PHC2: variants seen among roughly 807,000 people sequenced by gnomAD.
PHC2 encodes the protein polyhomeotic-like protein 2.
Under a neutral mutation model 87.4 loss-of-function variants are expected in PHC2, and 29 were observed. That is an observed-to-expected ratio of 0.33 (90% CI 0.25 to 0.45). The LOEUF (loss-of-function observed/expected upper bound fraction) is 0.45. PHC2 is among the 20% of genes least tolerant of loss of function. The pLI is 1.00. For missense variants in PHC2, 857 were observed against 1,136.7 expected (o/e 0.75, Z 3.54); for synonymous variants, 438 against 461.7 (o/e 0.95, Z 0.66).
At chr1:33,415,138 T>G (rs1483510928) in intron 1 of PHC2, among the ~76,000 whole-genome samples, 1 of 152,130 alleles carries the variant, frequency 6.6e-6, no homozygotes, top group African/African-American at 2.4e-5. Flanking sequence ...TGACTGAGAT[T>G]AGACATCCAG....
Position 33,427,703 on chromosome 1 carries a change from C to T in PHC2, c.-55+3273G>A, listed in dbSNP as rs78937979. Among the ~76,000 whole-genome samples, 1,009 of 152,312 alleles carry T rather than the reference C, an allele frequency of 6.6e-3. 11 individuals are homozygous for T. Among genetic ancestry groups the T allele is most frequent in the Middle Eastern group, 0.014 (4 of 294 alleles). ...AAACTGCTGACGAATTTCTGCAGCT[C>T]AAAACTTTTTCTTCTCTTGACTTCT... is the stretch of plus-strand genomic sequence containing the variant. On this transcript the variant is annotated intron_variant, in intron 1 of 14. Coordinates refer to ENST00000683057, the MANE Select transcript of PHC2 (RefSeq NM_001385109.1).
chr1:33,325,280 GT>G, intron 14 of PHC2: 1 of 400,062 alleles, frequency 2.5e-6, no homozygotes, highest in Non-Finnish European at 4.5e-6. Context: ...GCGGACCCAT[GT>G]CCACTAAAGT....
chr1:33,328,393 T>TG (rs1227246445), intron 14 of PHC2, among the ~76,000 whole-genome samples: 2 of 151,046 alleles, frequency 1.3e-5, no homozygotes, highest in Non-Finnish European at 3.0e-5. Context: ...TTTTTTTTTT[T>TG]TTTGGTAGAG....
intron 1 of PHC2, among the ~76,000 whole-genome samples, chr1:33,419,925 G>A (rs1160900667): frequency 6.6e-6 from 1 of 151,772 alleles, no homozygotes; most frequent in African/African-American, 2.4e-5. Flanking sequence ...CTCTTATAAG[G>A]ACACTTGTGA....
rs1012829540 is a variant in PHC2, at chr1:33,392,187, ACATG to A, written c.-54-16598_-54-16595del. Reference sequence around the variant, plus strand: ...TACGTGCACACACACACACACACACACATGCACATGCACATACACAAATGCTCTC... The same window carrying A: ...TACGTGCACACACACACACACACACACACATGCACATACACAAATGCTCTC... On this transcript the variant is annotated intron_variant, in intron 1 of 14. Coordinates refer to ENST00000683057, the MANE Select transcript of PHC2 (RefSeq NM_001385109.1). Among the ~76,000 whole-genome samples the A allele has an allele frequency of 5.3e-5, 8 of 150,140 alleles. No homozygotes were observed. The East Asian group carries it at 7.9e-4, about 15-fold the overall frequency.
chr1:33,405,144 C>A (rs1296598814), intron 1 of PHC2, among the ~76,000 whole-genome samples: 1 of 150,280 alleles, frequency 6.7e-6, no homozygotes, highest in Non-Finnish European at 1.5e-5. Flanking sequence ...ATCTGTCTTT[C>A]GTTTTTTCTC....
chr1:33,401,618 A>G (rs574061520), intron 1 of PHC2, among the ~76,000 whole-genome samples: 1 of 152,320 alleles, frequency 6.6e-6, no homozygotes, highest in South Asian at 2.1e-4. Context: ...ACAAATCGGG[A>G]CTTTTTGTGT....
At position 33,349,502 on chromosome 1, in the gene PHC2, TA is replaced by T. The variant is rs1486323924; in HGVS notation, c.1558+4898del. 1 of 984,988 alleles carries T rather than the reference TA, an allele frequency of 1.0e-6. No individual in the cohort carries two copies. The highest frequency in any genetic ancestry group is 1.1e-4 in the East Asian group (1 of 8,728). The allele number at this position is 984,988 out of a possible 1,614,324, so 61.0% of individuals were successfully genotyped here. A position where few individuals can be genotyped will look rare whatever the true frequency, so the allele number is the denominator to read the frequency against. The stretch of plus-strand genomic sequence containing the variant: ...TGGCAGCCGCGTAGGCCCGGGCCGT[TA>T]GGGGCACCGAGGGCGGTGCCCGACT... On this transcript the variant is annotated intron_variant, in intron 9 of 14. Transcript: ENST00000683057. The surrounding 1 kb of genome is among the most constrained non-coding windows in gnomAD (Gnocchi z 4.2).
intron 1 of PHC2, among the ~76,000 whole-genome samples, chr1:33,409,966 T>C (rs1649916669): frequency 6.6e-6 from 1 of 152,226 alleles, no homozygotes. Flanking sequence ...AAACTATTAC[T>C]ATAATGACCT....
chr1:33,408,086 C>T (rs1330628712), intron 1 of PHC2, among the ~76,000 whole-genome samples: 1 of 152,160 alleles, frequency 6.6e-6, no homozygotes, highest in Non-Finnish European at 1.5e-5. Flanking sequence ...CTTTTTAGTA[C>T]ATGTAAGAAA....
intron 1 of PHC2, among the ~76,000 whole-genome samples, chr1:33,414,589 CA>C: frequency 6.6e-6 from 1 of 152,198 alleles, no homozygotes; most frequent in East Asian, 1.9e-4. Flanking sequence ...CAGCTCTGTA[CA>C]ACCATGGATC....
chr1:33,376,202 T>G (rs1648169927), intron 1 of PHC2, among the ~76,000 whole-genome samples: 1 of 152,172 alleles, frequency 6.6e-6, no homozygotes, highest in African/African-American at 2.4e-5. Flanking sequence ...ACCCAGCTAA[T>G]TTTTGTATTT....
chr1:33,415,396 C>T lies in PHC2; in HGVS notation c.-55+15580G>A, dbSNP rs186386016. ...TAATAGACAAGGAATTAGATACAAC[C>T]CCCAGAAGAATATTGACAAAGTAGT... On this transcript the variant is annotated intron_variant, in intron 1 of 14. Coordinates refer to ENST00000683057, the MANE Select transcript of PHC2 (RefSeq NM_001385109.1). Among the ~76,000 whole-genome samples the T allele has an allele frequency of 7.9e-5, 12 of 152,210 alleles. No individual in the cohort carries two copies. In the East Asian group the frequency reaches 1.9e-3, roughly 24 times the overall value.
At chr1:33,343,760 T>C (rs1273412469) in intron 9 of PHC2, among the ~76,000 whole-genome samples, 1 of 152,190 alleles carries the variant, frequency 6.6e-6, no homozygotes, top group East Asian at 1.9e-4. Context: ...GGCTAATCTT[T>C]CCGTGGCCCA....
At chr1:33,398,476 C>T (rs1233263050) in intron 1 of PHC2, among the ~76,000 whole-genome samples, 1 of 152,190 alleles carries the variant, frequency 6.6e-6, no homozygotes, top group African/African-American at 2.4e-5. Context: ...CAAATGTTAA[C>T]AATGGCTGCT....
intron 1 of PHC2, among the ~76,000 whole-genome samples, chr1:33,399,116 C>A (rs1649411493): frequency 6.6e-6 from 1 of 152,094 alleles, no homozygotes; most frequent in African/African-American, 2.4e-5. Context: ...GGTATTCAGG[C>A]CTGAATAGGA....
intron 7 of PHC2, among the ~76,000 whole-genome samples, chr1:33,360,179 A>G (rs1358031464): frequency 6.6e-6 from 1 of 152,236 alleles, no homozygotes; most frequent in Non-Finnish European, 1.5e-5. Context: ...CCTGTAAGAA[A>G]CTTGCAAAAC....
intron 7 of PHC2, among the ~76,000 whole-genome samples, chr1:33,359,460 A>C (rs568860706): frequency 6.6e-6 from 1 of 152,294 alleles, no homozygotes; most frequent in Non-Finnish European, 1.5e-5. Context: ...CCTGTGGGAG[A>C]GGAATGGCAG....
chr1:33,347,626 G>A (rs1646869119), intron 9 of PHC2: 4 of 985,432 alleles, frequency 4.1e-6, no homozygotes, highest in Non-Finnish European at 4.8e-6. Flanking sequence ...CTGAGAAACC[G>A]ACTCAAGTAC....
Sources: allele counts gnomAD v4.1 joint callset (sites outside exome capture counted in the v4.1 genomes callset), GRCh38; gene constraint gnomAD v4.1.1; non-coding constraint Gnocchi (gnomAD v3.1); transcripts MANE v1.5; gene names NCBI Gene and HGNC (gene_info 2026-07-23, HGNC 2026-07-21).